Variants in CCDC125 observed in about 807,000 individuals in gnomAD.
The protein encoded by CCDC125 is coiled-coil domain containing 125, also known as coiled-coil domain-containing protein 125.
A neutral mutation model predicts 57.4 loss-of-function variants in CCDC125; 43 were observed. The observed-to-expected ratio is 0.75, with a 90% CI of 0.59 to 0.97. CCDC125 has a LOEUF of 0.97. Ranked by LOEUF, CCDC125 falls within the 50% of genes least tolerant of loss-of-function variation. CCDC125 has a pLI of 0.00. For missense variants in CCDC125, 563 were observed against 595.7 expected (o/e 0.95, Z 0.57); for synonymous variants, 187 against 195.2 (o/e 0.96, Z 0.35).
chr5:69,312,310 T>C (rs922301184), intron 3 of CCDC125, among the ~76,000 whole-genome samples: 3 of 152,214 alleles, frequency 2.0e-5, no homozygotes, highest in Admixed American at 6.5e-5. Flanking sequence ...CACGGCCTGC[T>C]GAAACTCTGG....
At position 69,308,004 on chromosome 5, in the gene CCDC125, G is replaced by T; in HGVS notation, c.478C>A (p.His160Asn). The stretch of plus-strand genomic sequence containing the variant: ...GTTTTTTGAAGCACTGCCTGCGTAT[G>T]ACTTGTGGCTTTGCCCAGTATTGCC... ...SMAILGKATS[H>N]TQAVLQKTME... The change falls in exon 5 of 12, where the codon CAT becomes AAT. Residue 160 changes from histidine (H) to asparagine (N), a missense_variant. His to Asn is a moderately conservative substitution (Grantham distance 68). Coordinates refer to ENST00000396496, the MANE Select transcript of CCDC125 (RefSeq NM_176816.5). 1 of 1,613,928 alleles carries T rather than the reference G, an allele frequency of 6.2e-7. No homozygotes were observed. Among genetic ancestry groups the T allele is most frequent in the South Asian group, 1.1e-5 (1 of 91,074 alleles).
intron 4 of CCDC125, 120 bp from the exon 5 acceptor site, chr5:69,308,148 C>T (rs942041181): frequency 2.8e-6 from 2 of 715,838 alleles, no homozygotes; most frequent in Non-Finnish European, 2.4e-6. Flanking sequence ...ATAAGAATTT[C>T]ACAGTGACCA....
At position 69,280,698 on chromosome 5, in the gene CCDC125, C is replaced by G. The variant is rs74427393; in HGVS notation, c.*2031G>C. The G allele has an allele frequency of 4.9e-4, 74 of 152,344 alleles. No homozygotes were observed. Among genetic ancestry groups the G allele is most frequent in the African/African-American group, 1.8e-3 (73 of 41,584 alleles). The allele number at this position is 152,344 out of a possible 1,614,324, so 9.4% of individuals were successfully genotyped here. A position where few individuals can be genotyped will look rare whatever the true frequency, so the allele number is the denominator to read the frequency against. On this transcript the variant is annotated 3_prime_UTR_variant, in exon 12 of 12. Transcript: ENST00000396496. ...ACTGAGGTATCACAACAGCTGTCAA[C>G]ACATGCATTTTGCTTTATTCATTTG... is the stretch of plus-strand genomic sequence containing the variant.
intron 10 of CCDC125, among the ~76,000 whole-genome samples, chr5:69,287,504 C>A (rs1183897805): frequency 4.6e-5 from 7 of 152,030 alleles, no homozygotes; most frequent in Admixed American, 4.6e-4. Flanking sequence ...CTCAAGTGAT[C>A]CACCCACCTC....
intron 4 of CCDC125, chr5:69,308,323 T>C (rs754617214): frequency 3.0e-4 from 118 of 392,488 alleles, no homozygotes; most frequent in Non-Finnish European, 4.7e-4. Flanking sequence ...TTTGGCTCTG[T>C]GTCCCCACCC....
intron 10 of CCDC125, among the ~76,000 whole-genome samples, chr5:69,287,374 CT>C (rs1337277777): frequency 6.6e-6 from 1 of 151,808 alleles, no homozygotes; most frequent in Non-Finnish European, 1.5e-5. Context: ...AACATTTCTC[CT>C]GCCTCAGCCT....
intron 1 of CCDC125, among the ~76,000 whole-genome samples, 155 bp from the exon 2 acceptor site, chr5:69,320,735 A>T (rs1759897368): frequency 6.6e-6 from 1 of 152,142 alleles, no homozygotes; most frequent in African/African-American, 2.4e-5. Context: ...AAGATATGGA[A>T]TCAACCTAAG....
chr5:69,315,313 A>G (rs1758841902), intron 2 of CCDC125, among the ~76,000 whole-genome samples: 1 of 151,764 alleles, frequency 6.6e-6, no homozygotes, highest in South Asian at 2.1e-4. Flanking sequence ...CTGTAATCCC[A>G]GCACTTTGGG....
rs370284628 is a variant in CCDC125, at chr5:69,320,304, A to G, written c.237T>C (p.His79=). Residue 79 remains histidine, a synonymous_variant, in exon 2 of 12, where the codon CAT becomes CAC. Transcript: ENST00000396496. ...GAGGGAATGTATCTTGCTGGCTCTT[A>G]TGCTTGGAATACTGAAAACTCGCTT... ...RNEASFQYSK[H]KSQQDTFPQV... 6.2e-7 allele frequency: 1 copy of G among 1,614,120 alleles called. No homozygotes were observed. Among genetic ancestry groups the G allele is most frequent in the African/African-American group, 1.3e-5 (1 of 75,042 alleles).
chr5:69,312,420 T>G (rs1309300659), intron 3 of CCDC125, among the ~76,000 whole-genome samples: 1 of 152,180 alleles, frequency 6.6e-6, no homozygotes, highest in Non-Finnish European at 1.5e-5. Context: ...ACAGTAGCTT[T>G]CACGGGAAGA....
In CCDC125 at chr5:69,294,216, AC is replaced by A. The variant is rs372535518; in HGVS notation, c.924+576del. ...CTTCTATTATATAGTAATTTTAGGG[AC>A]ATGTATAGATGAGAACATATAAATT... On this transcript the variant is annotated intron_variant, in intron 9 of 11. Coordinates refer to ENST00000396496, the MANE Select transcript of CCDC125 (RefSeq NM_176816.5). The A allele has an allele frequency of 3.2e-5, 23 of 717,778 alleles. No homozygotes were observed. In the East Asian group the frequency reaches 2.5e-3, roughly 77 times the overall value. The allele number at this position is 717,778 out of a possible 1,614,324, so 44.5% of individuals were successfully genotyped here. A position where few individuals can be genotyped will look rare whatever the true frequency, so the allele number is the denominator to read the frequency against.
At chr5:69,273,152 T>C in the CCDC125 span, 1 of 765,800 alleles carries the variant, frequency 1.3e-6, no homozygotes. Context: ...TGGAAAGATG[T>C]GTTTTTGTTT....
intron 8 of CCDC125, among the ~76,000 whole-genome samples, chr5:69,298,021 GT>G (rs200950089): frequency 0.048 from 6,924 of 143,958 alleles, 533 homozygotes; most frequent in African/African-American, 0.16. Context: ...TAAAAATAAA[GT>G]TTTTTTTTTT....
At chr5:69,305,602 A>T (rs757246904) in intron 6 of CCDC125, among the ~76,000 whole-genome samples, 3 of 152,182 alleles carry the variant, frequency 2.0e-5, no homozygotes, top group Non-Finnish European at 4.4e-5. Flanking sequence ...TCACATCTGC[A>T]CCTGCCGCCA....
At chr5:69,298,749 C>A (rs1464991862) in intron 8 of CCDC125, among the ~76,000 whole-genome samples, 1 of 152,182 alleles carries the variant, frequency 6.6e-6, no homozygotes, top group East Asian at 1.9e-4. Flanking sequence ...CATAAAACAC[C>A]CTGTCCCTAA....
At chr5:69,315,437 CAAAAAAAAAAAACAAA>C (rs1561467902) in intron 2 of CCDC125, among the ~76,000 whole-genome samples, 4 of 20,012 alleles carry the variant, frequency 2.0e-4, no homozygotes, top group Non-Finnish European at 4.4e-4. Context: ...GATTCTGTCT[CAAAAAAAAAAAACAAA>C]AAAAAAAACA....
rs373663120 is a variant in CCDC125 at position 69,290,629 on chromosome 5, CTT to C, written c.1099+1557_1099+1558del. On this transcript the variant is annotated intron_variant, in intron 10 of 11. Transcript: ENST00000396496. ...GGTTTCTTTTTTTTTTCTTTTTTTT[CTT>C]TTTTTTTTTTTTTTGTTTGAGACAG... Among the ~76,000 whole-genome samples the C allele has an allele frequency of 1.2e-3, 142 of 117,732 alleles. 1 individual carries two copies. Among genetic ancestry groups the C allele is most frequent in the Admixed American group, 3.7e-3 (39 of 10,630 alleles). The allele number at this position is 117,732 out of a possible 152,430, so 77.2% of individuals were successfully genotyped here.
intron 3 of CCDC125, chr5:69,313,254 C>T (rs776495634): frequency 1.7e-5 from 9 of 537,674 alleles, no homozygotes; most frequent in Non-Finnish European, 2.4e-5. Context: ...GAAGGGATTG[C>T]CCTTCCCCTG....
intron 8 of CCDC125, 101 bp downstream of exon 8, chr5:69,299,911 T>C (rs1756094199): frequency 1.1e-6 from 1 of 940,068 alleles, no homozygotes; most frequent in South Asian, 1.4e-5. Flanking sequence ...CTCAAATTGC[T>C]AAGTATGTGC....
Sources: gnomAD v4.1 joint callset for allele counts (sites outside exome capture counted in the v4.1 genomes callset) on GRCh38, gnomAD v4.1.1 for gene constraint, MANE v1.5 for transcripts, NCBI Gene and HGNC (gene_info 2026-07-23, HGNC 2026-07-21) for gene names.